The following CCDC88C variants were observed in gnomAD, a reference collection of about 807,000 sequenced individuals.
CCDC88C encodes coiled-coil and HOOK domain protein 88C.
A neutral mutation model predicts 198.8 loss-of-function variants in CCDC88C; 131 were observed. That is an observed-to-expected ratio of 0.66 (90% CI 0.57 to 0.76). The LOEUF (loss-of-function observed/expected upper bound fraction) is 0.76, where lower values mean the gene tolerates loss of function less well. Ranked by LOEUF, CCDC88C falls within the 30% of genes least tolerant of loss-of-function variation. CCDC88C has a pLI of 0.00. For missense variants in CCDC88C, 2,553 were observed against 2,631.6 expected, an observed-to-expected ratio of 0.97 and a Z score of 0.65; for synonymous variants, 1,166 against 1,114.7, an observed-to-expected ratio of 1.05 and a Z score of -0.92.
chr14:91,347,825 C>A (rs1188883789), intron 4 of CCDC88C, among the ~76,000 whole-genome samples: 1 of 152,170 alleles, frequency 6.6e-6, no homozygotes, highest in African/African-American at 2.4e-5. Context: ...CCAGCCATCC[C>A]ATTACTGGGT....
chr14:91,416,846 G>A lies in CCDC88C; in HGVS notation c.61-8C>T, dbSNP rs1271053593. On this transcript the variant is annotated splice_region_variant and splice_polypyrimidine_tract_variant and intron_variant, in intron 1 of 29. Transcript: ENST00000389857. ...CGGGCCAAAAGTTTTCACCTGCGGG[G>A]AGGGGGACGAGGAGAGAAAGACAGG... The A allele has an allele frequency of 5.6e-6, 9 of 1,599,080 alleles. No individual in the cohort carries two copies. The highest frequency in any genetic ancestry group is 6.0e-6 in the Non-Finnish European group (7 of 1,168,212).
At chr14:91,387,012 T>C (rs577671246) in intron 3 of CCDC88C, among the ~76,000 whole-genome samples, 44 of 152,196 alleles carry the variant, frequency 2.9e-4, no homozygotes, top group Non-Finnish European at 8.8e-5. Context: ...AACTTATTTA[T>C]CCTCAGTCTA....
chr14:91,298,934 A>T (rs895762001), intron 21 of CCDC88C, among the ~76,000 whole-genome samples: 8 of 152,250 alleles, frequency 5.3e-5, no homozygotes, highest in African/African-American at 1.7e-4. Context: ...CAAGTTATTT[A>T]ATCTCTCCCA....
In CCDC88C at chr14:91,313,158, C is replaced by T. The variant is rs1891911787; in HGVS notation, c.2658G>A (p.Leu886=). 6.2e-7 allele frequency: 1 copy of T among 1,611,368 alleles called. No homozygotes were observed. Among genetic ancestry groups the T allele is most frequent in the African/African-American group, 1.3e-5 (1 of 74,908 alleles). The change falls in exon 15 of 30, where the codon CTG becomes CTA. Residue 886 remains leucine, a synonymous_variant. Coordinates refer to ENST00000389857, the MANE Select transcript of CCDC88C (RefSeq NM_001080414.4). The surrounding 1 kb of genome is among the most constrained non-coding windows in gnomAD (Gnocchi z 5.2). ...LARCRDAAGK[L]KELEKDNRDL... ...CCCGGTTGTCCTTCTCCAGCTCCTT[C>T]AGCTTGCCGGCTGCGTCCCTGCAGC...
In CCDC88C at chr14:91,273,368, G is replaced by T. The variant is rs370151185; in HGVS notation, c.5344C>A (p.Pro1782Thr). The T allele has an allele frequency of 7.8e-6, 12 of 1,534,344 alleles. No homozygotes were observed. In the African/African-American group the frequency reaches 8.2e-5, roughly 11 times the overall value. Residue 1782 changes from proline (P) to threonine (T), a missense_variant, in exon 30 of 30, where the codon CCC (proline) becomes ACC (threonine). Around this residue, in one of 2 missense-constraint regions of CCDC88C, gnomAD observed 1,293 missense variants for 1,219.6 expected, o/e 1.06. Coordinates refer to ENST00000389857, the MANE Select transcript of CCDC88C (RefSeq NM_001080414.4). This position sits in a 1 kb window ranked among gnomAD's most constrained non-coding sequence, Gnocchi z 5.6. ...QPPQSLSLGR[P>T]RQAPVPPASH... ...GCTGGGGGCACCGGAGCCTGCCGGG[G>T]TCTGCCCAGAGACAGGCTCTGGGGA...
intron 17 of CCDC88C, 118 bp from the exon 18 acceptor site, chr14:91,307,344 C>A: frequency 1.2e-6 from 1 of 861,142 alleles, no homozygotes; most frequent in Non-Finnish European, 1.9e-6. Flanking sequence ...ACTCGCCCGC[C>A]CTGGTCTGTG....
intron 4 of CCDC88C, 59 bp downstream of exon 4, chr14:91,359,583 G>GC (rs1894206470): frequency 7.2e-7 from 1 of 1,390,322 alleles, no homozygotes; most frequent in Non-Finnish European, 1.0e-6. Flanking sequence ...GCCAGCAGCT[G>GC]CCCAACGCCA....
chr14:91,277,042 T>A (rs1889997253), intron 29 of CCDC88C, among the ~76,000 whole-genome samples: 1 of 152,232 alleles, frequency 6.6e-6, no homozygotes, highest in Non-Finnish European at 1.5e-5. Context: ...CAATGTCAGC[T>A]TACTGCAACC....
At chr14:91,306,923 T>A in intron 18 of CCDC88C, 115 bp downstream of exon 18, 1 of 1,161,676 alleles carries the variant, frequency 8.6e-7, no homozygotes, top group Non-Finnish European at 1.2e-6. Flanking sequence ...TCCAACTAGA[T>A]CTGGCTAAAT....
chr14:91,308,354 C>G lies in CCDC88C; in HGVS notation c.3003G>C (p.Gln1001His). Residue 1001 changes from glutamine (Q) to histidine (H), a missense_variant, in exon 17 of 30, where the codon CAG (glutamine) becomes CAC (histidine). Physicochemically the swap from Gln to His is conservative, Grantham distance 24. Around this residue, in one of 2 missense-constraint regions of CCDC88C, gnomAD observed 1,260 missense variants for 1,412.0 expected, o/e 0.89. Coordinates refer to ENST00000389857, the MANE Select transcript of CCDC88C (RefSeq NM_001080414.4). ...SLNRQLESEL[Q>H]MLKKECETLR... ...ACAGTGCAACCTCCACACTCACCATCTGCAGCTCACTCTCTAACTGGCGAT... is the reference window on the plus strand; with the variant it reads ...ACAGTGCAACCTCCACACTCACCATGTGCAGCTCACTCTCTAACTGGCGAT... 2 of 1,614,052 alleles carry G rather than the reference C, an allele frequency of 1.2e-6. No individual in the cohort carries two copies. Among genetic ancestry groups the G allele is most frequent in the Non-Finnish European group, 8.5e-7 (1 of 1,179,896 alleles).
At position 91,283,408 on chromosome 14, in the gene CCDC88C, G is replaced by A. The variant is rs769462542; in HGVS notation, c.4551C>T (p.Ser1517=). The A allele has an allele frequency of 6.2e-7, 1 of 1,613,816 alleles. No homozygotes were observed. Among genetic ancestry groups the A allele is most frequent in the South Asian group, 1.1e-5 (1 of 91,012 alleles). ...TGGTGGCTGAAGTTGAGCAAGTCCGGGAGCCCAGCTCCGAGGGCCAGGACC... is the reference window on the plus strand; with the variant it reads ...TGGTGGCTGAAGTTGAGCAAGTCCGAGAGCCCAGCTCCGAGGGCCAGGACC... ...AMRSWPSELG[S]RTCSTSATTT... is the part of the protein sequence containing the mutation. The change falls in exon 26 of 30, where the codon TCC becomes TCT. Residue 1517 remains serine, a synonymous_variant. Coordinates refer to ENST00000389857, the MANE Select transcript of CCDC88C (RefSeq NM_001080414.4).
chr14:91,364,141 G>C (rs573977118), intron 3 of CCDC88C, among the ~76,000 whole-genome samples: 5 of 152,354 alleles, frequency 3.3e-5, no homozygotes, highest in African/African-American at 1.2e-4. Flanking sequence ...ACACACACCA[G>C]CCTCGCTGAG....
chr14:91,343,659 T>C lies in CCDC88C; in HGVS notation c.341-2A>G. On this transcript the variant is annotated splice_acceptor_variant, in intron 4 of 29. Transcript: ENST00000389857. LOFTEE classifies it high-confidence loss of function. The stretch of plus-strand genomic sequence containing the variant: ...TCTTGATTTCCTCCATGCTCTTCCC[T>C]AGATCAAGAGAGCAACACATTTAAC... 6.2e-7 allele frequency: 1 copy of C among 1,613,482 alleles called. No homozygotes were observed. The highest frequency in any genetic ancestry group is 8.5e-7 in the Non-Finnish European group (1 of 1,179,796).
intron 10 of CCDC88C, among the ~76,000 whole-genome samples, chr14:91,330,377 G>A (rs746680967): frequency 7.2e-5 from 11 of 152,310 alleles, no homozygotes; most frequent in Non-Finnish European, 1.5e-4. Flanking sequence ...AGTGGCAGAC[G>A]AGGGTACGGT....
chr14:91,332,079 A>G (rs1892859022), intron 10 of CCDC88C, among the ~76,000 whole-genome samples: 2 of 152,190 alleles, frequency 1.3e-5, no homozygotes, highest in African/African-American at 4.8e-5. Context: ...TTTGGGAGCC[A>G]GCGCTGCCTA....
chr14:91,413,531 C>G (rs1886894012), intron 2 of CCDC88C, among the ~76,000 whole-genome samples: 1 of 152,208 alleles, frequency 6.6e-6, no homozygotes, highest in Non-Finnish European at 1.5e-5. Flanking sequence ...CTCTTGGGTG[C>G]TGGTAGGTAC....
intron 22 of CCDC88C, among the ~76,000 whole-genome samples, chr14:91,296,185 G>A (rs1042350568): frequency 2.6e-5 from 4 of 152,228 alleles, no homozygotes; most frequent in Non-Finnish European, 4.4e-5. Flanking sequence ...CTGGAGTTCT[G>A]CTGAACCCCT....
chr14:91,297,096 CAG>C (rs963865020), intron 22 of CCDC88C, among the ~76,000 whole-genome samples: 3 of 152,230 alleles, frequency 2.0e-5, no homozygotes, highest in Non-Finnish European at 2.9e-5. Context: ...GACGGTCAGA[CAG>C]GGGTGTTTTC....
chr14:91,318,705 C>T (rs1381161345), intron 13 of CCDC88C, among the ~76,000 whole-genome samples: 1 of 151,970 alleles, frequency 6.6e-6, no homozygotes, highest in Non-Finnish European at 1.5e-5. Context: ...GGGCAGATCA[C>T]CTGAAGTCAG....
Sources: gnomAD v4.1 joint callset for allele counts (sites outside exome capture counted in the v4.1 genomes callset) on GRCh38, gnomAD v4.1.1 for gene constraint, gnomAD v4.1.1 regional missense constraint, Gnocchi (gnomAD v3.1) non-coding constraint, MANE v1.5 for transcripts, NCBI Gene and HGNC (gene_info 2026-07-23, HGNC 2026-07-21) for gene names.